Variants in SOS1 observed in about 807,000 individuals in gnomAD.
SOS1 encodes SOS Ras/Rac guanine nucleotide exchange factor 1, also known as son of sevenless homolog 1.
A neutral mutation model predicts 157.6 loss-of-function variants in SOS1; 25 were observed. The ratio of observed to expected loss-of-function variants is 0.16; its 90% CI spans 0.12 to 0.22. The LOEUF (loss-of-function observed/expected upper bound fraction) is 0.22, where lower values mean the gene tolerates loss of function less well. Among genes scored for constraint, SOS1 ranks in the 10% least tolerant of loss-of-function variants. The probability of loss-of-function intolerance (pLI) is 1.00; values close to 1 mark genes in which losing one functional copy is unlikely to be tolerated. For synonymous variants in SOS1, 528 were observed against 534.0 expected (o/e 0.99, Z 0.16); for missense variants, 1,237 against 1,599.1 (o/e 0.77, Z 3.86).
intron 12 of SOS1, 59 bp from the exon 13 acceptor site, chr2:39,013,622 T>C (rs2124517851): frequency 1.8e-6 from 2 of 1,124,614 alleles, no homozygotes; most frequent in South Asian, 2.5e-5. Context: ...TTTATCACAA[T>C]GCACAGTACA....
intron 1 of SOS1, among the ~76,000 whole-genome samples, chr2:39,092,817 C>T (rs1017922532): frequency 1.3e-5 from 2 of 152,154 alleles, no homozygotes; most frequent in Non-Finnish European, 2.9e-5. Context: ...AAATTTAAAT[C>T]CACTTGAAAG....
At chr2:39,114,155 G>T (rs1268688525) in intron 1 of SOS1, among the ~76,000 whole-genome samples, 1 of 152,144 alleles carries the variant, frequency 6.6e-6, no homozygotes, top group African/African-American at 2.4e-5. Flanking sequence ...CAGTGCAATG[G>T]CACGATCATG....
chr2:39,123,851 G>A (rs191136333), upstream of SOS1, among the ~76,000 whole-genome samples: 8 of 152,206 alleles, frequency 5.3e-5, no homozygotes, highest in Non-Finnish European at 1.0e-4. Context: ...GGTAAAAAGC[G>A]TACATTCACT....
At chr2:39,054,847 A>G in intron 4 of SOS1, 24 bp from the exon 5 acceptor site, 1 of 1,150,670 alleles carries the variant, frequency 8.7e-7, no homozygotes, top group Non-Finnish European at 1.3e-6. Flanking sequence ...GATATAAAAA[A>G]GTATAATAAA....
At chr2:39,114,112 C>T (rs10200058) in intron 1 of SOS1, among the ~76,000 whole-genome samples, 28,473 of 151,632 alleles carry the variant, frequency 0.19, 4,417 homozygotes, top group African/African-American at 0.42. Flanking sequence ...CTTTCTTTTT[C>T]TGAGACAGGG....
intron 2 of SOS1, among the ~76,000 whole-genome samples, chr2:39,065,599 T>C (rs1453456583): frequency 3.9e-5 from 6 of 152,228 alleles, no homozygotes; most frequent in African/African-American, 1.2e-4. Context: ...TCTCTGACCT[T>C]ACTGAGAACT....
chr2:39,038,828 A>G (rs185068763), intron 6 of SOS1, among the ~76,000 whole-genome samples: 54 of 152,036 alleles, frequency 3.6e-4, no homozygotes, highest in African/African-American at 1.2e-3. Context: ...AGAATATTAC[A>G]TCAACTTAGT....
intron 6 of SOS1, among the ~76,000 whole-genome samples, chr2:39,046,135 ATT>A (rs1453169671): frequency 1.3e-5 from 2 of 152,018 alleles, no homozygotes; most frequent in Non-Finnish European, 2.9e-5. Flanking sequence ...TTATCTTATC[ATT>A]GTTTTTGTTT....
chr2:39,048,413 T>G (rs927453711), intron 6 of SOS1, among the ~76,000 whole-genome samples: 1 of 152,176 alleles, frequency 6.6e-6, no homozygotes, highest in African/African-American at 2.4e-5. Flanking sequence ...CTTTTTTTTT[T>G]TCTTTAAGAC....
intron 1 of SOS1, among the ~76,000 whole-genome samples, chr2:39,113,979 A>C (rs2148230113): frequency 6.6e-6 from 1 of 152,348 alleles, no homozygotes; most frequent in Non-Finnish European, 1.5e-5. Context: ...CTATCACAAT[A>C]AAACTGCTCT....
At position 39,003,066 on chromosome 2, in the gene SOS1, C is replaced by CAAAAAACAAACA. The variant is rs1553352635; in HGVS notation, c.2791+3345_2791+3346insTGTTTGTTTTTT. 1.4e-3 allele frequency among the ~76,000 whole-genome samples: 102 copies of CAAAAAACAAACA among 72,312 alleles called. 1 individual carries two copies. Among genetic ancestry groups the CAAAAAACAAACA allele is most frequent in the South Asian group, 4.3e-3 (9 of 2,100 alleles). The allele number at this position is 72,312 out of a possible 152,430, so 47.4% of individuals were successfully genotyped here. A position where few individuals can be genotyped will look rare whatever the true frequency, so the allele number is the denominator to read the frequency against. Reference sequence around the variant, plus strand: ...TGGGTGATAAAGTGAGACCTTGTATCAAAAAAAAAAAAGAACGTAGGGGTA... The same window carrying CAAAAAACAAACA: ...TGGGTGATAAAGTGAGACCTTGTATCAAAAAACAAACAAAAAAAAAAAAAGAACGTAGGGGTA... On this transcript the variant is annotated intron_variant, in intron 17 of 22. Coordinates refer to ENST00000402219, the MANE Select transcript of SOS1 (RefSeq NM_005633.4).
chr2:39,120,554 C>T lies in SOS1; in HGVS notation c.-132G>A, dbSNP rs998349185. Reference sequence around the variant, plus strand: ...ACGGCCCGGCCCCCTCCGGGCGCCGCGCAGCCGGGCTAGCCCTGGCGAGGG... The same window carrying T: ...ACGGCCCGGCCCCCTCCGGGCGCCGTGCAGCCGGGCTAGCCCTGGCGAGGG... On this transcript the variant is annotated 5_prime_UTR_variant, in exon 1 of 23. Coordinates refer to ENST00000402219, the MANE Select transcript of SOS1 (RefSeq NM_005633.4). 4.8e-6 allele frequency: 5 copies of T among 1,035,526 alleles called. No individual in the cohort carries two copies. The highest frequency in any genetic ancestry group is 1.1e-4 in the Admixed American group (2 of 18,238). 64.1% of individuals were successfully genotyped at this position (1,035,526 alleles called of 1,614,324 possible).
chr2:39,103,163 A>G (rs1572894309), intron 1 of SOS1, among the ~76,000 whole-genome samples: 1 of 152,140 alleles, frequency 6.6e-6, no homozygotes, highest in Admixed American at 6.5e-5. Context: ...ATTTAAAATA[A>G]CCAAAATAAA....
At chr2:39,119,060 T>C (rs1673766458) in intron 1 of SOS1, among the ~76,000 whole-genome samples, 1 of 152,182 alleles carries the variant, frequency 6.6e-6, no homozygotes, top group Non-Finnish European at 1.5e-5. Flanking sequence ...GACACCAGCT[T>C]CTAGCATCAC....
intron 1 of SOS1, among the ~76,000 whole-genome samples, chr2:39,112,343 T>C (rs1572901169): frequency 6.6e-6 from 1 of 152,076 alleles, no homozygotes; most frequent in Non-Finnish European, 1.5e-5. Flanking sequence ...TCTCTCCCTC[T>C]CTCTCTTGCT....
intron 1 of SOS1, among the ~76,000 whole-genome samples, chr2:39,114,680 C>A (rs1055404257): frequency 2.6e-4 from 39 of 152,170 alleles, no homozygotes; most frequent in South Asian, 2.1e-4. Context: ...TCTCAGCTCA[C>A]TGAAGCCTCC....
Position 39,120,769 on chromosome 2 carries a change from A to C in SOS1, c.-347T>G, listed in dbSNP as rs1450525902. ...GCCGCCGCCCGCCCGCCGGGGCTGC[A>C]CTCCCGGGCCCGGTCTGGCCCCGCG... On this transcript the variant is annotated 5_prime_UTR_variant, in exon 1 of 23. Coordinates refer to ENST00000402219, the MANE Select transcript of SOS1 (RefSeq NM_005633.4). 8.2e-5 allele frequency among the ~76,000 whole-genome samples: 12 copies of C among 146,480 alleles called. No homozygotes were observed. The highest frequency in any genetic ancestry group is 3.0e-4 in the African/African-American group (12 of 40,040).
intron 6 of SOS1, among the ~76,000 whole-genome samples, chr2:39,038,082 T>G (rs1401283657): frequency 2.6e-5 from 4 of 152,218 alleles, no homozygotes; most frequent in African/African-American, 9.6e-5. Context: ...TTTTATTATT[T>G]CACAAATATG....
intron 1 of SOS1, among the ~76,000 whole-genome samples, chr2:39,112,389 C>T (rs950812981): frequency 6.6e-6 from 1 of 152,214 alleles, no homozygotes; most frequent in Admixed American, 6.5e-5. Flanking sequence ...CATCAGCCTC[C>T]TGAGCTCAAG....
Sources: gnomAD v4.1 joint callset for allele counts (sites outside exome capture counted in the v4.1 genomes callset) on GRCh38, gnomAD v4.1.1 for gene constraint, MANE v1.5 for transcripts, NCBI Gene and HGNC (gene_info 2026-07-23, HGNC 2026-07-21) for gene names.